PCBP3: variants seen among roughly 807,000 people sequenced by gnomAD.
The protein encoded by PCBP3 is poly(rC)-binding protein 3.
Under a neutral mutation model 52.7 loss-of-function variants are expected in PCBP3, and 25 were observed. That is an observed-to-expected ratio of 0.47 (90% CI 0.35 to 0.66). The LOEUF is 0.66. PCBP3 is among the 30% of genes least tolerant of loss of function. The pLI is 0.01. For synonymous variants in PCBP3, 162 were observed against 183.0 expected (o/e 0.89, Z 0.93); for missense variants, 391 against 490.3 (o/e 0.80, Z 1.91).
At chr21:45,897,214 A>G (rs1228160711) in intron 6 of PCBP3, among the ~76,000 whole-genome samples, 2 of 152,168 alleles carry the variant, frequency 1.3e-5, no homozygotes, top group African/African-American at 4.8e-5. Context: ...CTCCAGCACA[A>G]CCACACACAG....
At chr21:45,921,676 A>G (rs9975216) in intron 13 of PCBP3, among the ~76,000 whole-genome samples, 71,802 of 151,946 alleles carry the variant, frequency 0.47, 19,049 homozygotes, top group African/African-American at 0.73. Flanking sequence ...AAATTTAGCC[A>G]GACGTGGTGG....
At chr21:45,776,546 C>T (rs1175267751) in intron 4 of PCBP3, among the ~76,000 whole-genome samples, 2 of 151,158 alleles carry the variant, frequency 1.3e-5, no homozygotes, top group African/African-American at 2.4e-5. Context: ...TCTTGATGCT[C>T]TGGTGTTGGG....
chr21:45,781,318 G>A (rs905370234), intron 4 of PCBP3, among the ~76,000 whole-genome samples: 2 of 152,156 alleles, frequency 1.3e-5, no homozygotes, highest in Admixed American at 6.5e-5. Flanking sequence ...TTAAAATGCA[G>A]TACTAAGGAA....
In PCBP3 at chr21:45,917,554, G is replaced by A; in HGVS notation, c.676-34G>A. The stretch of plus-strand genomic sequence containing the variant: ...GGGTGCTGAGCCGTGGTGCAGCCAG[G>A]TTGCAGTCTGACGGGGTCTCTCTCT... On this transcript the variant is annotated intron_variant, in intron 12 of 17. Transcript: ENST00000681687. The surrounding 1 kb of genome is among the most constrained non-coding windows in gnomAD (Gnocchi z 5.3). 2 of 1,597,542 alleles carry A rather than the reference G, an allele frequency of 1.3e-6. No homozygotes were observed. Among genetic ancestry groups the A allele is most frequent in the Non-Finnish European group, 8.6e-7 (1 of 1,166,384 alleles).
intron 4 of PCBP3, among the ~76,000 whole-genome samples, chr21:45,795,535 A>G (rs2091882291): frequency 6.6e-6 from 1 of 152,226 alleles, no homozygotes; most frequent in Admixed American, 6.5e-5. Context: ...GCCTTTAAAT[A>G]AAGCATACTG....
intron 2 of PCBP3, among the ~76,000 whole-genome samples, chr21:45,692,419 A>C (rs1437713668): frequency 1.3e-5 from 2 of 152,166 alleles, no homozygotes; most frequent in African/African-American, 4.8e-5. Flanking sequence ...AAGGCACAAA[A>C]CATGAATATC....
chr21:45,847,367 T>C (rs1450873199), intron 4 of PCBP3, among the ~76,000 whole-genome samples: 1 of 152,238 alleles, frequency 6.6e-6, no homozygotes, highest in Non-Finnish European at 1.5e-5. Context: ...TGCTTCCCGA[T>C]AAGAAGCTGT....
intron 4 of PCBP3, among the ~76,000 whole-genome samples, chr21:45,814,624 A>AGTGG (rs2092791661): frequency 9.7e-6 from 1 of 103,276 alleles, no homozygotes. Flanking sequence ...GTGGTGAGTG[A>AGTGG]TGAGTGGTGA....
chr21:45,662,300 T>C (rs2080458228), intron 1 of PCBP3, among the ~76,000 whole-genome samples: 1 of 79,214 alleles, frequency 1.3e-5, no homozygotes, highest in African/African-American at 4.4e-5. Flanking sequence ...TTTTTTTTTT[T>C]TGTAGAGATG....
intron 2 of PCBP3, among the ~76,000 whole-genome samples, chr21:45,674,076 T>A (rs1294521186): frequency 6.6e-6 from 1 of 152,206 alleles, no homozygotes; most frequent in Non-Finnish European, 1.5e-5. Context: ...GATTTTGTAA[T>A]GGAACCATGT....
intron 2 of PCBP3, among the ~76,000 whole-genome samples, chr21:45,714,159 C>T (rs534444718): frequency 1.3e-5 from 2 of 152,302 alleles, no homozygotes; most frequent in South Asian, 4.1e-4. Flanking sequence ...CCTTTGGGGT[C>T]TCATCTCTTC....
At chr21:45,822,651 G>T (rs748217201) in intron 4 of PCBP3, among the ~76,000 whole-genome samples, 33 of 151,706 alleles carry the variant, frequency 2.2e-4, no homozygotes, top group Non-Finnish European at 4.0e-4. Flanking sequence ...ATGGGACAGG[G>T]TTAGGAGAGT....
At chr21:45,823,399 G>A (rs2093206041) in intron 4 of PCBP3, among the ~76,000 whole-genome samples, 1 of 152,206 alleles carries the variant, frequency 6.6e-6, no homozygotes, top group African/African-American at 2.4e-5. Context: ...CGGTTGAGGT[G>A]GTGTCTGGTC....
chr21:45,833,125 A>G (rs2093493292), intron 4 of PCBP3, among the ~76,000 whole-genome samples: 1 of 152,196 alleles, frequency 6.6e-6, no homozygotes, highest in South Asian at 2.1e-4. Flanking sequence ...ACCCAAGGGA[A>G]GGAGTGGGCA....
chr21:45,880,318 AC>A lies in PCBP3; in HGVS notation c.11-15886del, dbSNP rs980397202. The stretch of plus-strand genomic sequence containing the variant: ...GAGCGCCTGGGGCGCCGCGGTCCTG[AC>A]CCCACACAACTTCTTCTGCCATGGC... On this transcript the variant is annotated intron_variant, in intron 5 of 17. Coordinates refer to ENST00000681687, the MANE Select transcript of PCBP3 (RefSeq NM_001384156.1). The surrounding 1 kb of genome is among the most constrained non-coding windows in gnomAD (Gnocchi z 5.4). 2.6e-5 allele frequency among the ~76,000 whole-genome samples: 4 copies of A among 151,896 alleles called. No individual in the cohort carries two copies. The highest frequency in any genetic ancestry group is 9.7e-5 in the African/African-American group (4 of 41,312).
Position 45,923,853 on chromosome 21 carries a change from G to A in PCBP3, c.718-6064G>A, listed in dbSNP as rs1419614551. Among the ~76,000 whole-genome samples the A allele has an allele frequency of 1.4e-5, 2 of 141,202 alleles. 1 individual carries two copies. Among genetic ancestry groups the A allele is most frequent in the Admixed American group, 1.4e-4 (2 of 14,134 alleles). 92.6% of individuals were successfully genotyped at this position (141,202 alleles called of 152,430 possible). ...TGCGAACACCGGGAACAGTCGAGTG[G>A]GTAGAAACAGCACACGTAAGATCGG... On this transcript the variant is annotated intron_variant, in intron 13 of 17. Coordinates refer to ENST00000681687, the MANE Select transcript of PCBP3 (RefSeq NM_001384156.1).
chr21:45,663,607 C>T (rs1013092581), intron 1 of PCBP3, among the ~76,000 whole-genome samples: 6 of 152,104 alleles, frequency 3.9e-5, no homozygotes, highest in African/African-American at 1.4e-4. Flanking sequence ...TATGGCTATC[C>T]AGTTTTCCTA....
At chr21:45,823,202 G>A (rs2093197851) in intron 4 of PCBP3, among the ~76,000 whole-genome samples, 1 of 152,188 alleles carries the variant, frequency 6.6e-6, no homozygotes, top group South Asian at 2.1e-4. Context: ...AATGACCTCT[G>A]CAGTCCCCAT....
chr21:45,691,038 G>A (rs1030553133), intron 2 of PCBP3, among the ~76,000 whole-genome samples: 1 of 151,874 alleles, frequency 6.6e-6, no homozygotes, highest in Non-Finnish European at 1.5e-5. Context: ...AAAAATGAAA[G>A]TATATTCTTA....
Sources: gnomAD v4.1 joint callset for allele counts (sites outside exome capture counted in the v4.1 genomes callset) on GRCh38, gnomAD v4.1.1 for gene constraint, Gnocchi (gnomAD v3.1) non-coding constraint, MANE v1.5 for transcripts, NCBI Gene and HGNC (gene_info 2026-07-23, HGNC 2026-07-21) for gene names.